The following SEMA3D variants were observed in gnomAD, a reference collection of about 807,000 sequenced individuals.
SEMA3D encodes the protein semaphorin-3D.
A neutral mutation model predicts 100.1 loss-of-function variants in SEMA3D; 84 were observed. The observed-to-expected ratio is 0.84, with a 90% CI of 0.70 to 1.01. SEMA3D has a LOEUF of 1.01. Ranked by LOEUF, SEMA3D falls within the 50% of genes least tolerant of loss-of-function variation. The probability of loss-of-function intolerance (pLI) is 0.00; values close to 1 mark genes in which losing one functional copy is unlikely to be tolerated. For synonymous variants in SEMA3D, 312 were observed against 320.7 expected, an observed-to-expected ratio of 0.97 and a Z score of 0.29; for missense variants, 875 against 934.1, an observed-to-expected ratio of 0.94 and a Z score of 0.82.
intron 6 of SEMA3D, among the ~76,000 whole-genome samples, chr7:85,070,952 GTAT>G (rs1311120958): frequency 6.6e-6 from 1 of 152,084 alleles, no homozygotes. Context: ...GGCTACATTT[GTAT>G]TATTAGAAAA....
intron 12 of SEMA3D, chr7:85,029,415 T>C (rs921258293): frequency 2.5e-6 from 2 of 813,500 alleles, no homozygotes; most frequent in African/African-American, 3.4e-5. Context: ...AAGCAACTGC[T>C]GAAGATGAGA....
chr7:85,107,322 T>A (rs1427092998), intron 3 of SEMA3D, among the ~76,000 whole-genome samples: 1 of 152,052 alleles, frequency 6.6e-6, no homozygotes, highest in Non-Finnish European at 1.5e-5. Context: ...CCAAGGAGCA[T>A]CATCTGGTAA....
intron 6 of SEMA3D, among the ~76,000 whole-genome samples, chr7:85,072,636 TTG>T (rs373966679): frequency 2.2e-4 from 33 of 152,204 alleles, no homozygotes; most frequent in African/African-American, 7.5e-4. Context: ...ACATTTTTAT[TTG>T]GTAGATCAAG....
chr7:85,093,502 G>A (rs1179202541), intron 4 of SEMA3D, among the ~76,000 whole-genome samples: 1 of 151,888 alleles, frequency 6.6e-6, no homozygotes, highest in Non-Finnish European at 1.5e-5. Context: ...AGAAAGAACC[G>A]GGTCCTCGAT....
At chr7:85,142,744 C>A in intron 2 of SEMA3D, 1 of 975,800 alleles carries the variant, frequency 1.0e-6, no homozygotes, top group African/African-American at 1.8e-5. Flanking sequence ...GCTCCTCTTG[C>A]TTTTACACTA....
At chr7:85,104,041 C>G (rs544297234) in intron 3 of SEMA3D, among the ~76,000 whole-genome samples, 1 of 152,092 alleles carries the variant, frequency 6.6e-6, no homozygotes, top group South Asian at 2.1e-4. Flanking sequence ...CCAGAAGTCA[C>G]AGGGAGAAAT....
chr7:85,053,812 T>C (rs1457637001), intron 9 of SEMA3D, among the ~76,000 whole-genome samples: 1 of 152,024 alleles, frequency 6.6e-6, no homozygotes, highest in Non-Finnish European at 1.5e-5. Context: ...ACCTCTTTTT[T>C]TAAAAAATAA....
chr7:85,044,190 A>G, intron 9 of SEMA3D, among the ~76,000 whole-genome samples: 1 of 152,068 alleles, frequency 6.6e-6, no homozygotes, highest in East Asian at 1.9e-4. Flanking sequence ...CTGAAATTAA[A>G]CTAGAGAAAG....
intron 8 of SEMA3D, among the ~76,000 whole-genome samples, chr7:85,060,212 G>T (rs2116110981): frequency 6.6e-6 from 1 of 152,270 alleles, no homozygotes; most frequent in Middle Eastern, 3.4e-3. Context: ...AATGTTTGTT[G>T]TATAAAGAAA....
intron 3 of SEMA3D, among the ~76,000 whole-genome samples, chr7:85,110,958 T>C (rs1170922552): frequency 2.0e-5 from 3 of 152,060 alleles, no homozygotes; most frequent in Non-Finnish European, 4.4e-5. Context: ...TCTGTTAAAT[T>C]TAATGTTACT....
chr7:85,078,802 A>T (rs1787965594), intron 5 of SEMA3D, among the ~76,000 whole-genome samples: 1 of 152,168 alleles, frequency 6.6e-6, no homozygotes, highest in East Asian at 1.9e-4. Context: ...CTTTCCAAAC[A>T]GTTGTTAATC....
At chr7:85,174,679 C>T (rs1791179456) in intron 1 of SEMA3D, among the ~76,000 whole-genome samples, 1 of 152,080 alleles carries the variant, frequency 6.6e-6, no homozygotes, top group South Asian at 2.1e-4. Flanking sequence ...AGAGATCTTA[C>T]AAACAAGTGG....
chr7:85,145,337 T>G (rs1304182037), intron 2 of SEMA3D, among the ~76,000 whole-genome samples: 1 of 152,180 alleles, frequency 6.6e-6, no homozygotes, highest in Non-Finnish European at 1.5e-5. Flanking sequence ...CTTTAATGTT[T>G]TATTGGTTTG....
chr7:85,093,471 A>G (rs1007835567), intron 4 of SEMA3D, among the ~76,000 whole-genome samples: 6 of 152,060 alleles, frequency 3.9e-5, no homozygotes, highest in Non-Finnish European at 7.4e-5. Context: ...AGATAATGCC[A>G]ATCCCAAGAG....
chr7:85,160,052 A>G, intron 1 of SEMA3D: 1 of 940,298 alleles, frequency 1.1e-6, no homozygotes, highest in Non-Finnish European at 1.3e-6. Context: ...TATTTTATTG[A>G]ACTGCAAACA....
At chr7:85,159,793 C>A (rs1790694561) in intron 1 of SEMA3D, 1 of 973,014 alleles carries the variant, frequency 1.0e-6, no homozygotes, top group East Asian at 1.1e-4. Flanking sequence ...ACTTTGACAG[C>A]AGGCTATCTA....
chr7:85,238,288 T>C, the SEMA3D span, among the ~76,000 whole-genome samples: 1 of 152,174 alleles, frequency 6.6e-6, no homozygotes, highest in Non-Finnish European at 1.5e-5. Context: ...CCATACCCAA[T>C]GTCACCTATA....
intron 17 of SEMA3D, among the ~76,000 whole-genome samples, chr7:85,009,597 C>A (rs1419144722): frequency 2.0e-5 from 3 of 148,472 alleles, no homozygotes; most frequent in Non-Finnish European, 3.0e-5. Context: ...AAAAAAAAAA[C>A]AACTTTTCTG....
chr7:85,227,183 G>A, the SEMA3D span, among the ~76,000 whole-genome samples: 1 of 152,214 alleles, frequency 6.6e-6, no homozygotes, highest in South Asian at 2.1e-4. Flanking sequence ...GAAATATAAG[G>A]ATTAGGGCTA....
Sources: allele counts gnomAD v4.1 joint callset (sites outside exome capture counted in the v4.1 genomes callset), GRCh38; gene constraint gnomAD v4.1.1; transcripts MANE v1.5; gene names NCBI Gene and HGNC (gene_info 2026-07-23, HGNC 2026-07-21).